The following SNRPN variants were observed in gnomAD, a reference collection of about 807,000 sequenced individuals.
SNRPN encodes small nuclear ribonucleoprotein-associated protein N.
Under a neutral mutation model 25.2 loss-of-function variants are expected in SNRPN, and 7 were observed. That is an observed-to-expected ratio of 0.28 (90% confidence interval 0.16 to 0.52). The LOEUF is 0.52. Ranked by LOEUF, SNRPN falls within the 20% of genes least tolerant of loss-of-function variation. SNRPN has a pLI of 0.96. For synonymous variants in SNRPN, 124 were observed against 110.6 expected (o/e 1.12, Z -0.76); for missense variants, 196 against 322.5 (o/e 0.61, Z 3.00).
intron 3 of SNRPN, among the ~76,000 whole-genome samples, chr15:24,921,912 A>G (rs1451733638): frequency 6.6e-6 from 1 of 152,030 alleles, no homozygotes; most frequent in Non-Finnish European, 1.5e-5. Context: ...TAAAAATGCC[A>G]TACAGACCGG....
chr15:24,957,916 A>G (rs889331035), intron 1 of SNRPN, among the ~76,000 whole-genome samples: 1 of 152,118 alleles, frequency 6.6e-6, no homozygotes, highest in African/African-American at 2.4e-5. Context: ...TGAAGTTTCA[A>G]GGTCTGTGTC....
At chr15:24,833,595 C>T (rs4028398) in intron 2 of SNRPN, among the ~76,000 whole-genome samples, 86,261 of 151,826 alleles carry the variant, frequency 0.57, 24,870 homozygotes, top group East Asian at 0.82. Flanking sequence ...AATGATGACC[C>T]AGTGAGGTAC....
chr15:24,912,172 G>T (rs569077739), intron 2 of SNRPN, among the ~76,000 whole-genome samples: 6 of 152,160 alleles, frequency 3.9e-5, no homozygotes, highest in Non-Finnish European at 5.9e-5. Context: ...TTTTTGCCAT[G>T]GGGTCGAGCT....
upstream of SNRPN, among the ~76,000 whole-genome samples, chr15:24,854,735 G>A (rs574059321): frequency 1.4e-4 from 22 of 152,226 alleles, no homozygotes; most frequent in Non-Finnish European, 2.9e-4. Context: ...GCCAGGAGCT[G>A]TGGCTCACAC....
chr15:24,919,564 A>T (rs190415392), intron 2 of SNRPN, among the ~76,000 whole-genome samples: 1 of 152,174 alleles, frequency 6.6e-6, no homozygotes, highest in African/African-American at 2.4e-5. Flanking sequence ...ATTTATAACC[A>T]AAGAGCAGGC....
intron 2 of SNRPN, among the ~76,000 whole-genome samples, chr15:24,833,560 T>C (rs937233970): frequency 9.9e-5 from 15 of 152,046 alleles, no homozygotes; most frequent in Non-Finnish European, 1.9e-4. Context: ...TTATTTTAAA[T>C]TGCATAGGGA....
At chr15:24,970,466 C>T (rs778977147) in intron 3 of SNRPN, among the ~76,000 whole-genome samples, 2 of 152,078 alleles carry the variant, frequency 1.3e-5, no homozygotes, top group Non-Finnish European at 2.9e-5. Context: ...GTAATCCCAG[C>T]TACTCGGGAG....
chr15:24,917,528 A>C (rs1310894058), intron 2 of SNRPN, among the ~76,000 whole-genome samples: 1 of 152,148 alleles, frequency 6.6e-6, no homozygotes, highest in East Asian at 1.9e-4. Flanking sequence ...AAAATGAGGG[A>C]GCTTTCCTCC....
rs543423380 is a variant in SNRPN, at chr15:24,859,162, G to A, written c.-579+2446G>A. 1.1e-4 allele frequency among the ~76,000 whole-genome samples: 17 copies of A among 152,294 alleles called. 1 individual carries two copies. The South Asian group carries it at 3.5e-3, about 32-fold the overall frequency. On this transcript the variant is annotated intron_variant, in intron 1 of 11. Coordinates refer to the SNRPN transcript ENST00000400097. ...ACTTGGGGCAGGAATAAAGACTCTT[G>A]TGCCCCTTTGTTCTGGTGTGCTTTC...
chr15:24,955,989 G>A (rs1172972854), intron 1 of SNRPN, among the ~76,000 whole-genome samples: 1 of 152,024 alleles, frequency 6.6e-6, no homozygotes, highest in Admixed American at 6.5e-5. Context: ...TGTGACCTGC[G>A]ATGGTCATCT....
intron 2 of SNRPN, among the ~76,000 whole-genome samples, chr15:24,898,696 A>G (rs1200351556): frequency 6.6e-6 from 1 of 152,208 alleles, no homozygotes; most frequent in Non-Finnish European, 1.5e-5. Flanking sequence ...TACAAACTCA[A>G]CTATCAATTT....
At chr15:24,895,951 T>C (rs1447873445) in intron 2 of SNRPN, among the ~76,000 whole-genome samples, 1 of 152,222 alleles carries the variant, frequency 6.6e-6, no homozygotes, top group East Asian at 1.9e-4. Flanking sequence ...TATGTTTGTA[T>C]TAAAGGTGTT....
At chr15:24,885,960 C>T (rs908136026) in intron 1 of SNRPN, among the ~76,000 whole-genome samples, 9 of 152,118 alleles carry the variant, frequency 5.9e-5, no homozygotes, top group Admixed American at 3.3e-4. Context: ...ATCCAGCATC[C>T]GTCTGGTTTC....
chr15:24,932,704 C>T (rs1445103494), intron 3 of SNRPN, among the ~76,000 whole-genome samples: 2 of 151,420 alleles, frequency 1.3e-5, no homozygotes, highest in African/African-American at 4.8e-5. Context: ...GGCTGGAGTG[C>T]AATGACACAA....
At chr15:24,955,973 T>G (rs1330942134) in intron 1 of SNRPN, among the ~76,000 whole-genome samples, 10 of 151,942 alleles carry the variant, frequency 6.6e-5, no homozygotes, top group Non-Finnish European at 1.5e-4. Flanking sequence ...CAGCCTTTAA[T>G]TTTCCTGTGA....
chr15:24,847,668 T>A (rs1363739596), intron 2 of SNRPN, among the ~76,000 whole-genome samples: 2 of 151,944 alleles, frequency 1.3e-5, no homozygotes, highest in African/African-American at 4.8e-5. Context: ...GCTGCAGGGG[T>A]CAGTGGTGAA....
intron 3 of SNRPN, among the ~76,000 whole-genome samples, chr15:24,924,988 G>T (rs2060282675): frequency 6.6e-6 from 1 of 152,114 alleles, no homozygotes. Context: ...TTCAGCTGTG[G>T]TGATTTTTCC....
At chr15:24,940,303 T>C (rs2061474444) in intron 3 of SNRPN, among the ~76,000 whole-genome samples, 1 of 152,234 alleles carries the variant, frequency 6.6e-6, no homozygotes, top group Non-Finnish European at 1.5e-5. Flanking sequence ...TGCAATGTTA[T>C]GAAGCGTTTT....
intron 2 of SNRPN, among the ~76,000 whole-genome samples, chr15:24,916,727 T>C (rs1047606096): frequency 1.3e-5 from 2 of 152,350 alleles, no homozygotes; most frequent in East Asian, 3.9e-4. Context: ...TTTGAAATTT[T>C]AATTAAGAAT....
Sources: allele counts gnomAD v4.1 joint callset (sites outside exome capture counted in the v4.1 genomes callset), GRCh38; gene constraint gnomAD v4.1.1; transcripts MANE v1.5; gene names NCBI Gene and HGNC (gene_info 2026-07-23, HGNC 2026-07-21).